The following SNW1 variants were observed in gnomAD, a reference collection of about 807,000 sequenced individuals.
SNW1 encodes the protein SNW domain-containing protein 1.
SNW1 carries 9 observed loss-of-function variants against 75.6 expected under a neutral mutation model. The observed-to-expected ratio is 0.12, with a 90% CI of 0.07 to 0.21. The LOEUF (loss-of-function observed/expected upper bound fraction) is 0.21, where lower values mean the gene tolerates loss of function less well. Among genes scored for constraint, SNW1 ranks in the 10% least tolerant of loss-of-function variants. The pLI is 1.00. For synonymous variants in SNW1, 200 were observed against 219.1 expected (o/e 0.91, Z 0.77); for missense variants, 409 against 670.9 (o/e 0.61, Z 4.31).
At chr14:77,738,708 A>C in intron 5 of SNW1, 70 bp downstream of exon 5, 1 of 1,129,800 alleles carries the variant, frequency 8.9e-7, no homozygotes, top group South Asian at 1.3e-5. Context: ...GGGTTAGTGA[A>C]AGAATACCAT....
intron 3 of SNW1, among the ~76,000 whole-genome samples, chr14:77,749,334 T>C (rs1397115947): frequency 6.6e-6 from 1 of 152,154 alleles, no homozygotes; most frequent in East Asian, 1.9e-4. Context: ...TGAGGTCATT[T>C]TGTAGTGAAT....
intron 1 of SNW1, among the ~76,000 whole-genome samples, chr14:77,759,048 A>G (rs981125889): frequency 2.6e-5 from 4 of 152,220 alleles, no homozygotes; most frequent in African/African-American, 7.2e-5. Flanking sequence ...AGGTTCAACT[A>G]ATTTGCTAGG....
At chr14:77,731,800 G>A (rs117479451) in intron 9 of SNW1, among the ~76,000 whole-genome samples, 4,472 of 152,228 alleles carry the variant, frequency 0.029, 107 homozygotes, top group Middle Eastern at 0.054. Flanking sequence ...GTGCAGTGGT[G>A]CGTTCTTGGC....
In SNW1 at chr14:77,751,487, A is replaced by G; in HGVS notation, c.169-7T>C. 1.3e-6 allele frequency: 2 copies of G among 1,574,420 alleles called. No individual in the cohort carries two copies. The highest frequency in any genetic ancestry group is 1.7e-6 in the Non-Finnish European group (2 of 1,162,172). On this transcript the variant is annotated splice_polypyrimidine_tract_variant and splice_region_variant and intron_variant, in intron 2 of 13. Transcript: ENST00000261531. ...CACCTCCATCTCCAAAATCCTACAC[A>G]TTAGAAGTAGTTAAATAAAATAGTT... is the stretch of plus-strand genomic sequence containing the variant.
intron 1 of SNW1, among the ~76,000 whole-genome samples, chr14:77,760,339 GA>G (rs1262074116): frequency 2.5e-4 from 38 of 152,258 alleles, no homozygotes; most frequent in Middle Eastern, 3.4e-3. Context: ...TAACCTTCCT[GA>G]ACACTAGCCT....
intron 10 of SNW1, among the ~76,000 whole-genome samples, chr14:77,725,631 C>T (rs2080578869): frequency 6.6e-6 from 1 of 152,196 alleles, no homozygotes; most frequent in Non-Finnish European, 1.5e-5. Context: ...TAAAAATCCA[C>T]GCATTGGCTG....
Position 77,740,247 on chromosome 14 carries a change from A to G in SNW1, c.331-1186T>C, listed in dbSNP as rs563638130. On this transcript the variant is annotated intron_variant, in intron 3 of 13. Coordinates refer to ENST00000261531, the MANE Select transcript of SNW1 (RefSeq NM_012245.3). Reference sequence around the variant, plus strand: ...TCTTTGAGGTACATAAAAAGAAAGGACAACTTATAAATATCAAAGAAAATC... The same window carrying G: ...TCTTTGAGGTACATAAAAAGAAAGGGCAACTTATAAATATCAAAGAAAATC... 2.0e-5 allele frequency among the ~76,000 whole-genome samples: 3 copies of G among 152,188 alleles called. 1 individual carries two copies. In the South Asian group the frequency reaches 6.2e-4, roughly 32 times the overall value.
chr14:77,742,810 C>A (rs2139918190), intron 3 of SNW1, among the ~76,000 whole-genome samples: 1 of 151,984 alleles, frequency 6.6e-6, no homozygotes, highest in East Asian at 2.0e-4. Context: ...ATGATCCTCC[C>A]ACCTCAACCT....
chr14:77,753,038 T>C (rs760311914), intron 2 of SNW1, among the ~76,000 whole-genome samples: 1 of 152,242 alleles, frequency 6.6e-6, no homozygotes, highest in Non-Finnish European at 1.5e-5. Flanking sequence ...TGTAGCATTA[T>C]GTGGTCATTA....
intron 10 of SNW1, among the ~76,000 whole-genome samples, chr14:77,725,743 C>A (rs1030783213): frequency 5.3e-5 from 8 of 152,046 alleles, no homozygotes; most frequent in African/African-American, 1.9e-4. Context: ...AATGGCAAAA[C>A]CCTGTCTCTA....
chr14:77,731,237 A>C, intron 9 of SNW1, 108 bp from the exon 10 acceptor site: 1 of 1,213,420 alleles, frequency 8.2e-7, no homozygotes, highest in South Asian at 1.5e-5. Flanking sequence ...TACAGAATTC[A>C]GATTTGTTAT....
At chr14:77,751,565 A>G in intron 2 of SNW1, 85 bp from the exon 3 acceptor site, 3 of 1,090,880 alleles carry the variant, frequency 2.8e-6, no homozygotes, top group Non-Finnish European at 3.9e-6. Context: ...GTAATTGTTG[A>G]GTCCTTAGTA....
At chr14:77,720,100 A>G (rs1280650818) in intron 12 of SNW1, among the ~76,000 whole-genome samples, 3 of 152,266 alleles carry the variant, frequency 2.0e-5, no homozygotes, top group African/African-American at 7.2e-5. Flanking sequence ...TTTCTATAGC[A>G]TTAAAAGAAA....
chr14:77,757,952 ATCGCAATCAATCAATCACAATTTTTC>A (rs1481906290), intron 1 of SNW1, among the ~76,000 whole-genome samples: 1 of 102,972 alleles, frequency 9.7e-6, no homozygotes, highest in Non-Finnish European at 2.1e-5. Context: ...CTATCTATCT[ATCGCAATCAATCAATCACAATTTTTC>A]TCTATTGCAA....
At chr14:77,743,513 T>A (rs2080735340) in intron 3 of SNW1, among the ~76,000 whole-genome samples, 1 of 152,200 alleles carries the variant, frequency 6.6e-6, no homozygotes, top group Admixed American at 6.5e-5. Context: ...TTCTGAAGAA[T>A]ACCAGACCTC....
intron 8 of SNW1, chr14:77,733,843 A>T: frequency 4.2e-6 from 1 of 237,802 alleles, no homozygotes; most frequent in South Asian, 4.0e-5. Flanking sequence ...TCCCATTTCA[A>T]TAACTCAAGA....
intron 2 of SNW1, among the ~76,000 whole-genome samples, chr14:77,753,002 T>A (rs2080819934): frequency 6.6e-6 from 1 of 152,202 alleles, no homozygotes; most frequent in East Asian, 1.9e-4. Context: ...GTTTTTCAAC[T>A]ATAATAAGTA....
chr14:77,742,220 G>C (rs1189551279), intron 3 of SNW1, among the ~76,000 whole-genome samples: 1 of 152,040 alleles, frequency 6.6e-6, no homozygotes, highest in Non-Finnish European at 1.5e-5. Context: ...ATTTTTATTA[G>C]AGATGGGGTT....
At chr14:77,718,785 C>T (rs1056532437) in intron 12 of SNW1, among the ~76,000 whole-genome samples, 3 of 151,198 alleles carry the variant, frequency 2.0e-5, no homozygotes, top group Non-Finnish European at 4.4e-5. Context: ...GATCTTGGCT[C>T]ACTGCAGCCA....
Sources: allele counts gnomAD v4.1 joint callset (sites outside exome capture counted in the v4.1 genomes callset), GRCh38; gene constraint gnomAD v4.1.1; transcripts MANE v1.5; gene names NCBI Gene and HGNC (gene_info 2026-07-23, HGNC 2026-07-21).